The following ZNF207 variants were observed in gnomAD, a reference collection of about 807,000 sequenced individuals.
The protein encoded by ZNF207 is zinc finger protein 207.
Under a neutral mutation model 60.2 loss-of-function variants are expected in ZNF207, and 24 were observed. The observed-to-expected ratio is 0.40, with a 90% CI of 0.29 to 0.56. The LOEUF (loss-of-function observed/expected upper bound fraction) is 0.56. Among genes scored for constraint, ZNF207 ranks in the 20% least tolerant of loss-of-function variants. The probability of loss-of-function intolerance (pLI) is 0.49; values close to 1 mark genes in which losing one functional copy is unlikely to be tolerated. For missense variants in ZNF207, 452 were observed against 636.6 expected, an observed-to-expected ratio of 0.71 and a Z score of 3.12; for synonymous variants, 236 against 194.7, an observed-to-expected ratio of 1.21 and a Z score of -1.77.
At chr17:32,364,125 C>G (rs1272506443) in intron 7 of ZNF207, among the ~76,000 whole-genome samples, 1 of 151,848 alleles carries the variant, frequency 6.6e-6, no homozygotes, top group African/African-American at 2.4e-5. Flanking sequence ...CGCAGCCTCC[C>G]AAAGTGCTGG....
At chr17:32,366,860 TA>T in intron 9 of ZNF207, 103 bp downstream of exon 9, 1 of 1,106,054 alleles carries the variant, frequency 9.0e-7, no homozygotes, top group Non-Finnish European at 1.2e-6. Context: ...ATACTGTGTT[TA>T]CTTTTTTAAA....
intron 8 of ZNF207, 32 bp from the exon 9 acceptor site, chr17:32,366,633 C>A: frequency 6.4e-7 from 1 of 1,571,590 alleles, no homozygotes; most frequent in Admixed American, 1.9e-5. Context: ...TGTTTGGAGA[C>A]TTTTCATTGT....
In ZNF207 at chr17:32,358,685, A is replaced by T. The variant is rs912147257; in HGVS notation, c.307+44A>T. On this transcript the variant is annotated intron_variant, in intron 3 of 11. Coordinates refer to ENST00000394670, the MANE Select transcript of ZNF207 (RefSeq NM_001098507.2). The stretch of plus-strand genomic sequence containing the variant: ...TTTATTTTATTTATTTATTTTTTTT[A>T]ATTTTTTTTTTTTTGAGACAGAGGC... 1.4e-5 allele frequency: 19 copies of T among 1,337,184 alleles called. No individual in the cohort carries two copies. The East Asian group carries it at 3.0e-4, about 21-fold the overall frequency. 82.8% of individuals were successfully genotyped at this position (1,337,184 alleles called of 1,614,324 possible).
chr17:32,361,564 A>G, intron 6 of ZNF207, 49 bp downstream of exon 6: 2 of 1,530,338 alleles, frequency 1.3e-6, no homozygotes, highest in Non-Finnish European at 1.8e-6. Flanking sequence ...TCATACTGTC[A>G]TTTTTTTATG....
At chr17:32,351,645 G>C (rs781442885) in intron 1 of ZNF207, 141 bp from the exon 2 acceptor site, 2 of 1,561,544 alleles carry the variant, frequency 1.3e-6, no homozygotes, top group South Asian at 2.3e-5. Flanking sequence ...GTCCCTAATT[G>C]TGTAATAAAT....
rs1269251323 is a variant in ZNF207, at chr17:32,351,699, G to T, written c.42-87G>T. ...ATACAGTACCATTTTGGTTTTAGCT[G>T]TTCCCATATTGTAATGTTATCCATA... On this transcript the variant is annotated intron_variant, in intron 1 of 11. Transcript: ENST00000394670. 2 of 1,610,658 alleles carry T rather than the reference G, an allele frequency of 1.2e-6. No homozygotes were observed. The highest frequency in any genetic ancestry group is 3.4e-5 in the Admixed American group (2 of 59,530).
In ZNF207 at chr17:32,369,657, G is replaced by A. The variant is rs139074668; in HGVS notation, c.1383G>A (p.Pro461=). 454 of 1,594,700 alleles carry A rather than the reference G, an allele frequency of 2.8e-4. No individual in the cohort carries two copies. Among genetic ancestry groups the A allele is most frequent in the Non-Finnish European group, 3.6e-4 (417 of 1,170,246 alleles). Reference sequence around the variant, plus strand: ...GATACCTTCCTGGTGCTATGCCCCCGTATGGGCAGGGACCGCCAATGGTGC... The same window carrying A: ...GATACCTTCCTGGTGCTATGCCCCCATATGGGCAGGGACCGCCAATGGTGC... ...MPGYLPGAMP[P]YGQGPPMVPP... is the part of the protein sequence containing the mutation. Residue 461 remains proline (P), a synonymous_variant, in exon 12 of 12, where the codon CCG becomes CCA. Transcript: ENST00000394670.
In ZNF207 at chr17:32,374,605, G is replaced by A. The variant is rs1905611307; in HGVS notation, c.*4846G>A. 6.6e-6 allele frequency: 1 copy of A among 152,158 alleles called. No homozygotes were observed. The highest frequency in any genetic ancestry group is 1.5e-5 in the Non-Finnish European group (1 of 68,016). The allele number at this position is 152,158 out of a possible 1,614,324, so 9.4% of individuals were successfully genotyped here. On this transcript the variant is annotated 3_prime_UTR_variant, in exon 12 of 12. Transcript: ENST00000394670. Reference sequence around the variant, plus strand: ...ATGCTTAATTTTAAAATATTTTCAAGCCTCACCACATTAGAGCAAATGTTA... The same window carrying A: ...ATGCTTAATTTTAAAATATTTTCAAACCTCACCACATTAGAGCAAATGTTA...
chr17:32,367,745 T>G, intron 9 of ZNF207, 27 bp from the exon 10 acceptor site: 1 of 1,608,558 alleles, frequency 6.2e-7, no homozygotes, highest in Non-Finnish European at 8.5e-7. Context: ...TTTTGAAGTT[T>G]CGTTGATGAA....
chr17:32,364,215 T>C (rs974454080), intron 7 of ZNF207, among the ~76,000 whole-genome samples: 1 of 152,010 alleles, frequency 6.6e-6, no homozygotes, highest in Non-Finnish European at 1.5e-5. Flanking sequence ...CCAGAAGCTC[T>C]TTAGCTCCTT....
chr17:32,375,974 T>C lies in ZNF207; in HGVS notation c.*6215T>C, dbSNP rs934918291. On this transcript the variant is annotated 3_prime_UTR_variant, in exon 12 of 12. Transcript: ENST00000394670. ...AACCCTTTCTCAGTATTTTAATTTC[T>C]GTCATTGAATCATTTAAATAATAAC... 6.6e-6 allele frequency: 1 copy of C among 152,076 alleles called. No homozygotes were observed. Among genetic ancestry groups the C allele is most frequent in the Non-Finnish European group, 1.5e-5 (1 of 67,900 alleles). The allele number at this position is 152,076 out of a possible 1,614,324, so 9.4% of individuals were successfully genotyped here.
intron 10 of ZNF207, 82 bp from the exon 11 acceptor site, chr17:32,369,210 CGTT>C (rs1032879883): frequency 7.4e-6 from 11 of 1,480,110 alleles, no homozygotes; most frequent in Admixed American, 6.2e-5. Context: ...TTACTCTTAA[CGTT>C]GTAAGATTTT....
intron 1 of ZNF207, chr17:32,351,333 A>C (rs370224395): frequency 1.7e-6 from 1 of 596,246 alleles, no homozygotes; most frequent in African/African-American, 2.0e-5. Context: ...ATTGTTCACC[A>C]TATAGTTACT....
In ZNF207 at chr17:32,356,588, A is replaced by G. The variant is rs549754147; in HGVS notation, c.169-1915A>G. ...GTAGTTACTTTTCTGTTCGTACATG[A>G]AAATGTCTTAGGAGGAAAGAAAAAA... On this transcript the variant is annotated intron_variant, in intron 2 of 11. Coordinates refer to ENST00000394670, the MANE Select transcript of ZNF207 (RefSeq NM_001098507.2). Among the ~76,000 whole-genome samples the G allele has an allele frequency of 3.9e-4, 60 of 152,370 alleles. 3 individuals carry two copies. In the South Asian group the frequency reaches 0.012, roughly 31 times the overall value.
Position 32,365,371 on chromosome 17 carries a change from A to G in ZNF207, c.712A>G (p.Thr238Ala). 6.2e-7 allele frequency: 1 copy of G among 1,613,966 alleles called. No homozygotes were observed. The highest frequency in any genetic ancestry group is 8.5e-7 in the Non-Finnish European group (1 of 1,179,964). ...PVPRPGIPPM[T>A]QAQAVSAPGI... ...TCCACGTCCTGGAATTCCTCCAATG[A>G]CTCAAGCACAGGCTGTTTCAGCGCC... is the stretch of plus-strand genomic sequence containing the variant. The change falls in exon 8 of 12, where the codon ACT (threonine) becomes GCT (alanine). Residue 238 changes from threonine to alanine, a missense_variant. Around this residue, in one of 2 missense-constraint regions of ZNF207, gnomAD observed 390 missense variants for 461.4 expected, o/e 0.85. Coordinates refer to ENST00000394670, the MANE Select transcript of ZNF207 (RefSeq NM_001098507.2).
chr17:32,354,548 A>C (rs1299023774), intron 2 of ZNF207, among the ~76,000 whole-genome samples: 1 of 149,952 alleles, frequency 6.7e-6, no homozygotes, highest in Admixed American at 6.6e-5. Context: ...GCCTCAAGTG[A>C]TCCCATCTAC....
Position 32,353,309 on chromosome 17 carries a change from TC to T in ZNF207, c.168+1399del, listed in dbSNP as rs202077049. 3.9e-3 allele frequency among the ~76,000 whole-genome samples: 592 copies of T among 152,254 alleles called. 4 individuals are homozygous for T. The highest frequency in any genetic ancestry group is 0.013 in the African/African-American group (553 of 41,522). On this transcript the variant is annotated intron_variant, in intron 2 of 11. Transcript: ENST00000394670. Reference sequence around the variant, plus strand: ...TTCAACATTATTCTACTTTGCTTAGTCCTAGAGCTGTCTGAATTTTTGCTAA... The same window carrying T: ...TTCAACATTATTCTACTTTGCTTAGTCTAGAGCTGTCTGAATTTTTGCTAA...
Position 32,373,584 on chromosome 17 carries a change from CT to C in ZNF207, c.*3829del. On this transcript the variant is annotated 3_prime_UTR_variant, in exon 12 of 12. Transcript: ENST00000394670. Reference sequence around the variant, plus strand: ...TAATTAAACTTAGGATTTTTATACTCTTTTGGCAGAGAAGGCTCTATATTAA... The same window carrying C: ...TAATTAAACTTAGGATTTTTATACTCTTTGGCAGAGAAGGCTCTATATTAA... The C allele has an allele frequency of 2.4e-6, 1 of 419,752 alleles. No individual in the cohort carries two copies. The highest frequency in any genetic ancestry group is 4.2e-6 in the Non-Finnish European group (1 of 237,310). The allele number at this position is 419,752 out of a possible 1,614,324, so 26.0% of individuals were successfully genotyped here.
chr17:32,352,381 G>A (rs1597753356), intron 2 of ZNF207, among the ~76,000 whole-genome samples: 1 of 151,232 alleles, frequency 6.6e-6, no homozygotes, highest in African/African-American at 2.4e-5. Context: ...CAAAAAATTT[G>A]TTCGATAGCC....
Sources: allele counts gnomAD v4.1 joint callset (sites outside exome capture counted in the v4.1 genomes callset), GRCh38; gene constraint gnomAD v4.1.1; regional missense constraint gnomAD v4.1.1; transcripts MANE v1.5; gene names NCBI Gene and HGNC (gene_info 2026-07-23, HGNC 2026-07-21).